FRMD4B: variants seen among roughly 807,000 people sequenced by gnomAD.
The protein encoded by FRMD4B is FERM domain containing 4B.
A neutral mutation model predicts 141.5 loss-of-function variants in FRMD4B; 74 were observed. That is an observed-to-expected ratio of 0.52 (90% CI 0.43 to 0.63). The LOEUF is 0.63. Among genes scored for constraint, FRMD4B ranks in the 30% least tolerant of loss-of-function variants. The pLI, the probability that FRMD4B is intolerant of heterozygous loss-of-function variation, is 0.00. For missense variants in FRMD4B, 1,366 were observed against 1,253.4 expected (o/e 1.09, Z -1.36); for synonymous variants, 506 against 467.9 (o/e 1.08, Z -1.05).
chr3:69,474,720 C>T (rs1322240426), intron 1 of FRMD4B, among the ~76,000 whole-genome samples: 1 of 152,146 alleles, frequency 6.6e-6, no homozygotes, highest in African/African-American at 2.4e-5. Context: ...ATTACTCATC[C>T]ATTCAGTCAC....
rs1327683787 is a variant in FRMD4B, at chr3:69,172,678, T to C, written c.2985-697A>G. On this transcript the variant is annotated intron_variant, in intron 22 of 22. Coordinates refer to ENST00000398540, the MANE Select transcript of FRMD4B (RefSeq NM_015123.3). ...CTGGGGTTTATGGGTCAGGCATAAATTGGAAGTGACCCAGGACACAGCATC... is the reference window on the plus strand; with the variant it reads ...CTGGGGTTTATGGGTCAGGCATAAACTGGAAGTGACCCAGGACACAGCATC... 2.0e-5 allele frequency among the ~76,000 whole-genome samples: 3 copies of C among 152,166 alleles called. No individual in the cohort carries two copies. The East Asian group carries it at 5.8e-4, about 29-fold the overall frequency.
chr3:69,366,060 AACACACACACACAC>A (rs4063529), intron 1 of FRMD4B, among the ~76,000 whole-genome samples: 49 of 127,192 alleles, frequency 3.9e-4, no homozygotes, highest in Non-Finnish European at 5.5e-4. Context: ...ACCTCTACAA[AACACACACACACAC>A]ACACACACAC....
chr3:69,190,802 T>C (rs1013063943), intron 17 of FRMD4B, among the ~76,000 whole-genome samples: 21 of 152,220 alleles, frequency 1.4e-4, no homozygotes, highest in African/African-American at 4.3e-4. Flanking sequence ...CTGTGCATTA[T>C]AGGATTTCCA....
chr3:69,504,568 T>C (rs1026324191), intron 1 of FRMD4B, among the ~76,000 whole-genome samples: 5 of 152,218 alleles, frequency 3.3e-5, no homozygotes, highest in African/African-American at 1.2e-4. Context: ...GATCACAAAA[T>C]ATGTGGTCTT....
At chr3:69,339,046 A>G (rs1702648529) in intron 1 of FRMD4B, among the ~76,000 whole-genome samples, 1 of 152,060 alleles carries the variant, frequency 6.6e-6, no homozygotes, top group South Asian at 2.1e-4. Flanking sequence ...ATATTCCTCT[A>G]TTTATGCCAA....
rs6771485 is a variant in FRMD4B at position 69,526,108 on chromosome 3, C to G, written c.-129+16098G>C. Among the ~76,000 whole-genome samples, 319 of 152,302 alleles carry G rather than the reference C, an allele frequency of 2.1e-3. 2 individuals carry two copies. Among genetic ancestry groups the G allele is most frequent in the African/African-American group, 7.4e-3 (307 of 41,574 alleles). ...ACTTTCTTGTGCTGCTAGAGTCCTA[C>G]TTTGCCAAGCACGGGATACAACATA... On this transcript the variant is annotated intron_variant, in intron 1 of 5. Transcript: ENST00000459638.
intron 4 of FRMD4B, among the ~76,000 whole-genome samples, chr3:69,288,710 A>G (rs1319903458): frequency 1.3e-5 from 2 of 152,174 alleles, no homozygotes; most frequent in African/African-American, 4.8e-5. Context: ...TGCTTGATTA[A>G]TAATCATGAA....
At chr3:69,186,409 C>T (rs1183774472) in intron 19 of FRMD4B, among the ~76,000 whole-genome samples, 1 of 151,754 alleles carries the variant, frequency 6.6e-6, no homozygotes. Context: ...CCATGTCTGG[C>T]TAATTAAAAA....
At chr3:69,314,181 C>T (rs541666215) in intron 1 of FRMD4B, among the ~76,000 whole-genome samples, 81 of 115,674 alleles carry the variant, frequency 7.0e-4, no homozygotes, top group African/African-American at 2.7e-3. Flanking sequence ...AAAGCCTCTC[C>T]ATCCCAGAGG....
rs201892325 is a variant in FRMD4B at position 69,287,766 on chromosome 3, C to T, written c.487G>A (p.Ala163Thr). Residue 163 changes from alanine to threonine, a missense_variant, in exon 5 of 23, where the codon GCC becomes ACC. Transcript: ENST00000398540. The part of the protein sequence containing the change: ...TVELFFLNAK[A>T]CVHKGQIEVE... ...GGGGCACCTACCTTGTGCACACAGGCCTTTGCATTCAGGAAAAACAGCTCC... is the reference window on the plus strand; with the variant it reads ...GGGGCACCTACCTTGTGCACACAGGTCTTTGCATTCAGGAAAAACAGCTCC... 5.4e-5 allele frequency: 86 copies of T among 1,588,138 alleles called. No homozygotes were observed. Among genetic ancestry groups the T allele is most frequent in the Non-Finnish European group, 7.0e-5 (81 of 1,157,610 alleles).
At chr3:69,339,319 G>A (rs1702658659) in intron 1 of FRMD4B, among the ~76,000 whole-genome samples, 1 of 152,320 alleles carries the variant, frequency 6.6e-6, no homozygotes, top group East Asian at 1.9e-4. Flanking sequence ...ACACAGTGGA[G>A]AGTCAAGCAT....
At chr3:69,413,659 C>T (rs1257844946) in intron 2 of FRMD4B, among the ~76,000 whole-genome samples, 3 of 152,090 alleles carry the variant, frequency 2.0e-5, no homozygotes, top group Admixed American at 6.6e-5. Flanking sequence ...AGCAAGGTTT[C>T]CCATTTTCCT....
At chr3:69,434,139 C>T (rs188743900) in intron 1 of FRMD4B, among the ~76,000 whole-genome samples, 2 of 152,268 alleles carry the variant, frequency 1.3e-5, no homozygotes, top group Non-Finnish European at 2.9e-5. Context: ...TCTAATGTCA[C>T]GTGCAAAGAA....
At chr3:69,347,210 C>T (rs1702977222) in intron 1 of FRMD4B, among the ~76,000 whole-genome samples, 1 of 152,074 alleles carries the variant, frequency 6.6e-6, no homozygotes, top group African/African-American at 2.4e-5. Context: ...GACTTTAAAC[C>T]AACAAAGATC....
intron 1 of FRMD4B, among the ~76,000 whole-genome samples, chr3:69,371,271 G>A (rs1703816076): frequency 1.3e-5 from 2 of 152,208 alleles, no homozygotes; most frequent in African/African-American, 4.8e-5. Flanking sequence ...ACAGCAAGGA[G>A]GCCAGGGTTG....
chr3:69,451,209 G>A (rs768979778), intron 1 of FRMD4B, among the ~76,000 whole-genome samples: 6 of 140,492 alleles, frequency 4.3e-5, no homozygotes, highest in Admixed American at 7.1e-5. Flanking sequence ...AAGTAAAGTA[G>A]GGATGGTTTT....
At chr3:69,221,951 G>A (rs746287022) in intron 8 of FRMD4B, 28 bp from the exon 9 acceptor site, 10 of 1,168,436 alleles carry the variant, frequency 8.6e-6, no homozygotes, top group South Asian at 1.3e-5. Flanking sequence ...GAGAAGGATT[G>A]CAATGCATGA....
intron 1 of FRMD4B, among the ~76,000 whole-genome samples, chr3:69,452,612 C>G (rs1158349234): frequency 6.6e-6 from 1 of 152,122 alleles, no homozygotes; most frequent in Non-Finnish European, 1.5e-5. Flanking sequence ...CATTGGATCT[C>G]TAATAGAAAA....
chr3:69,428,362 C>T (rs563254804), intron 2 of FRMD4B, among the ~76,000 whole-genome samples: 5 of 149,178 alleles, frequency 3.4e-5, no homozygotes, highest in Admixed American at 2.6e-4. Flanking sequence ...TGAGTTAACA[C>T]TTGTAAAGTT....
Sources: allele counts gnomAD v4.1 joint callset (sites outside exome capture counted in the v4.1 genomes callset), GRCh38; gene constraint gnomAD v4.1.1; transcripts MANE v1.5; gene names NCBI Gene and HGNC (gene_info 2026-07-23, HGNC 2026-07-21).